UBE2O: variants seen among roughly 807,000 people sequenced by gnomAD.
The protein encoded by UBE2O is (E3-independent) E2 ubiquitin-conjugating enzyme.
In UBE2O, 15 loss-of-function variants were observed where a neutral mutation model predicts 125.8. The ratio of observed to expected loss-of-function variants is 0.12; its 90% confidence interval spans 0.08 to 0.18. The LOEUF (loss-of-function observed/expected upper bound fraction) is 0.18, where lower values mean the gene tolerates loss of function less well. Among genes scored for constraint, UBE2O ranks in the 10% least tolerant of loss-of-function variants. The probability of loss-of-function intolerance (pLI) is 1.00; values close to 1 mark genes in which losing one functional copy is unlikely to be tolerated. For missense variants in UBE2O, 1,280 were observed against 1,723.6 expected (o/e 0.74, Z 4.56); for synonymous variants, 708 against 703.2 (o/e 1.01, Z -0.11).
chr17:76,401,082 T>C lies in UBE2O; in HGVS notation c.823A>G (p.Ser275Gly), dbSNP rs753617981. 2.5e-6 allele frequency: 4 copies of C among 1,613,786 alleles called. No individual in the cohort carries two copies. Among genetic ancestry groups the C allele is most frequent in the Non-Finnish European group, 2.5e-6 (3 of 1,180,034 alleles). ...TTGACACCTGACAGCCACTGGACGC[T>C]GGAGAAGATCTTGGCAGGGCCAATG... Reference protein sequence around the residue: ...VLIGPAKIFSSVQWLSGVKPV... With the variant: ...VLIGPAKIFSGVQWLSGVKPV... Residue 275 changes from serine (S) to glycine (G), a missense_variant, in exon 6 of 18, where the codon AGC becomes GGC. Around this residue, in one of 10 missense-constraint regions of UBE2O, gnomAD observed 206 missense variants for 315.7 expected, o/e 0.65. Transcript: ENST00000319380.
In UBE2O at chr17:76,399,335, A is replaced by C; in HGVS notation, c.1628+114T>G. 9.0e-7 allele frequency: 1 copy of C among 1,113,030 alleles called. No individual in the cohort carries two copies. The highest frequency in any genetic ancestry group is 1.3e-6 in the Non-Finnish European group (1 of 769,412). 68.9% of individuals were successfully genotyped at this position (1,113,030 alleles called of 1,614,324 possible). On this transcript the variant is annotated intron_variant, in intron 9 of 17. Transcript: ENST00000319380. This position sits in a 1 kb window ranked among gnomAD's most constrained non-coding sequence, Gnocchi z 6.9. ...TGTCTCGGGTGGGAGCCCCGGAGCC[A>C]CTACAAGGCATGCAGAGGTGTGTGT...
intron 1 of UBE2O, among the ~76,000 whole-genome samples, chr17:76,435,026 C>G (rs985478018): frequency 6.6e-6 from 1 of 151,944 alleles, no homozygotes. Flanking sequence ...TGGATTTAGC[C>G]CAACAGCCTG....
rs760107639 is a variant in UBE2O, at chr17:76,399,598, C to G, written c.1479G>C (p.Ser493=). Residue 493 remains serine, a synonymous_variant, in exon 9 of 18, where the codon TCG becomes TCC. Transcript: ENST00000319380. The surrounding 1 kb of genome is among the most constrained non-coding windows in gnomAD (Gnocchi z 6.9). The part of the protein sequence containing the change: ...EAADDTDDTS[S]VTSSASSTTS... ...TGGTGGAGCTGGCAGAGGAGGTCAC[C>G]GAACTGGTGTCGTCCGTGTCATCAG... 1.9e-6 allele frequency: 3 copies of G among 1,614,038 alleles called. No individual in the cohort carries two copies. The highest frequency in any genetic ancestry group is 1.1e-5 in the South Asian group (1 of 91,088).
chr17:76,401,193 G>A (rs775042631), intron 5 of UBE2O, 39 bp from the exon 6 acceptor site: 10 of 1,607,968 alleles, frequency 6.2e-6, no homozygotes, highest in African/African-American at 4.0e-5. Context: ...CCCGTGAGCG[G>A]TGTCTCCATG....
At chr17:76,419,283 CA>C (rs35062714) in intron 1 of UBE2O, among the ~76,000 whole-genome samples, 17,150 of 63,206 alleles carry the variant, frequency 0.27, 923 homozygotes, top group East Asian at 0.44. Context: ...GACCCTATCT[CA>C]AAAAAAAAAA....
rs1217747942 is a variant in UBE2O at position 76,452,347 on chromosome 17, T to C, written c.417+378A>G. 6.6e-6 allele frequency among the ~76,000 whole-genome samples: 1 copy of C among 152,136 alleles called. No individual in the cohort carries two copies. Among genetic ancestry groups the C allele is most frequent in the Non-Finnish European group, 1.5e-5 (1 of 68,014 alleles). Reference sequence around the variant, plus strand: ...CTTCATTTCTGGATGCACAATGCAGTACCGAGCTCCTTGGGGGTCAGCAAA... The same window carrying C: ...CTTCATTTCTGGATGCACAATGCAGCACCGAGCTCCTTGGGGGTCAGCAAA... On this transcript the variant is annotated intron_variant, in intron 1 of 17. Coordinates refer to ENST00000319380, the MANE Select transcript of UBE2O (RefSeq NM_022066.4). The surrounding 1 kb of genome is among the most constrained non-coding windows in gnomAD (Gnocchi z 4.4).
At chr17:76,438,186 T>C (rs2073027942) in intron 1 of UBE2O, among the ~76,000 whole-genome samples, 1 of 152,044 alleles carries the variant, frequency 6.6e-6, no homozygotes, top group Admixed American at 6.6e-5. Flanking sequence ...TAAAACTTAA[T>C]GGTTTGAGGA....
At chr17:76,421,807 C>G (rs568034054) in intron 1 of UBE2O, among the ~76,000 whole-genome samples, 2 of 152,324 alleles carry the variant, frequency 1.3e-5, no homozygotes, top group East Asian at 3.9e-4. Context: ...CACGTGCTTC[C>G]CATTTCTCCC....
intron 1 of UBE2O, among the ~76,000 whole-genome samples, chr17:76,430,157 G>GTTT (rs1185346221): frequency 6.6e-6 from 1 of 152,076 alleles, no homozygotes; most frequent in Non-Finnish European, 1.5e-5. Flanking sequence ...TCAGTCTTCT[G>GTTT]TTTGCCTTCC....
intron 1 of UBE2O, among the ~76,000 whole-genome samples, chr17:76,446,864 T>C (rs902192949): frequency 3.3e-5 from 5 of 152,236 alleles, no homozygotes; most frequent in Admixed American, 6.5e-5. Flanking sequence ...TCATTCAACA[T>C]TGAGGGGCAG....
chr17:76,405,581 G>T lies in UBE2O; in HGVS notation c.418-9C>A, dbSNP rs1387054379. On this transcript the variant is annotated splice_polypyrimidine_tract_variant and intron_variant, in intron 1 of 17. Transcript: ENST00000319380. This position sits in a 1 kb window ranked among gnomAD's most constrained non-coding sequence, Gnocchi z 6.1. Reference sequence around the variant, plus strand: ...CGGTCCTCTAGTTTCAGCTGTAAAAGAAAATACAGGTGTGAGAGAATGGAC... The same window carrying T: ...CGGTCCTCTAGTTTCAGCTGTAAAATAAAATACAGGTGTGAGAGAATGGAC... The T allele has an allele frequency of 1.3e-6, 2 of 1,585,118 alleles. No homozygotes were observed. Among genetic ancestry groups the T allele is most frequent in the East Asian group, 2.3e-5 (1 of 44,102 alleles).
intron 1 of UBE2O, among the ~76,000 whole-genome samples, chr17:76,412,741 G>C (rs113934814): frequency 0.018 from 2,777 of 152,326 alleles, 88 homozygotes; most frequent in African/African-American, 0.063. Flanking sequence ...CGGGCGCAGT[G>C]GCTCAAGCCT....
At position 76,396,290 on chromosome 17, in the gene UBE2O, G is replaced by A; in HGVS notation, c.2647C>T (p.Pro883Ser). Residue 883 changes from proline (P) to serine (S), a missense_variant, in exon 14 of 18, where the codon CCC becomes TCC. Pro to Ser is a moderately conservative substitution (Grantham distance 74). Coordinates refer to ENST00000319380, the MANE Select transcript of UBE2O (RefSeq NM_022066.4). This position sits in a 1 kb window ranked among gnomAD's most constrained non-coding sequence, Gnocchi z 6.7. ...IVEEEKMEAV[P>S]DVERKEDKPE... Reference sequence around the variant, plus strand: ...TTGTCCTCCTTGCGCTCTACGTCGGGCACTGCTTCCATCTTCTCCTCCTCT... The same window carrying A: ...TTGTCCTCCTTGCGCTCTACGTCGGACACTGCTTCCATCTTCTCCTCCTCT... The A allele has an allele frequency of 6.2e-7, 1 of 1,614,178 alleles. No homozygotes were observed. The highest frequency in any genetic ancestry group is 8.5e-7 in the Non-Finnish European group (1 of 1,180,034).
chr17:76,410,948 T>C lies in UBE2O; in HGVS notation c.418-5376A>G, dbSNP rs995059159. On this transcript the variant is annotated intron_variant, in intron 1 of 17. Transcript: ENST00000319380. The surrounding 1 kb of genome is among the most constrained non-coding windows in gnomAD (Gnocchi z 4.0). ...AATCCAAATTCACTGTATAAAGTGA[T>C]CCAGGAATAGAAAACACAAACTGAG... Among the ~76,000 whole-genome samples, 1 of 147,910 alleles carries C rather than the reference T, an allele frequency of 6.8e-6. No individual in the cohort carries two copies. Among genetic ancestry groups the C allele is most frequent in the Non-Finnish European group, 1.5e-5 (1 of 67,648 alleles).
At position 76,405,957 on chromosome 17, in the gene UBE2O, T is replaced by C. The variant is rs529411177; in HGVS notation, c.418-385A>G. Reference sequence around the variant, plus strand: ...TTTGCTTTGCGTTCAATCTTTTTTCTGCCCTCTGCAAGTGCCTGCCCTAGC... The same window carrying C: ...TTTGCTTTGCGTTCAATCTTTTTTCCGCCCTCTGCAAGTGCCTGCCCTAGC... On this transcript the variant is annotated intron_variant, in intron 1 of 17. Coordinates refer to ENST00000319380, the MANE Select transcript of UBE2O (RefSeq NM_022066.4). The surrounding 1 kb of genome is among the most constrained non-coding windows in gnomAD (Gnocchi z 6.1). Among the ~76,000 whole-genome samples the C allele has an allele frequency of 8.5e-5, 13 of 152,258 alleles. No homozygotes were observed. Among genetic ancestry groups the C allele is most frequent in the Non-Finnish European group, 1.6e-4 (11 of 68,030 alleles).
Position 76,400,234 on chromosome 17 carries a change from G to A in UBE2O, c.1068C>T (p.Val356=). Residue 356 remains valine, a synonymous_variant, in exon 8 of 18, where the codon GTC becomes GTT. Coordinates refer to ENST00000319380, the MANE Select transcript of UBE2O (RefSeq NM_022066.4). This position sits in a 1 kb window ranked among gnomAD's most constrained non-coding sequence, Gnocchi z 4.3. ...TGGCTGGCTCTACCTTGGCTGGGAA[G>A]ACATACAGACAGCGCTCCCCAAGCT... ...QRQLGERCLY[V]FPAKVEPAKI... The A allele has an allele frequency of 1.9e-6, 3 of 1,614,044 alleles. No individual in the cohort carries two copies. Among genetic ancestry groups the A allele is most frequent in the East Asian group, 2.2e-5 (1 of 44,880 alleles).
chr17:76,450,129 G>T lies in UBE2O; in HGVS notation c.417+2596C>A, dbSNP rs1024041316. Among the ~76,000 whole-genome samples the T allele has an allele frequency of 5.9e-5, 9 of 151,898 alleles. 1 individual carries two copies. The highest frequency in any genetic ancestry group is 5.9e-4 in the Admixed American group (9 of 15,272). ...ACTACATTATTTTGTCAATAATTGGGTTCTCAAATCTCATAACTAGATTAG... is the reference window on the plus strand; with the variant it reads ...ACTACATTATTTTGTCAATAATTGGTTTCTCAAATCTCATAACTAGATTAG... On this transcript the variant is annotated intron_variant, in intron 1 of 17. Coordinates refer to ENST00000319380, the MANE Select transcript of UBE2O (RefSeq NM_022066.4).
intron 1 of UBE2O, among the ~76,000 whole-genome samples, chr17:76,420,154 A>G (rs2072685717): frequency 6.6e-6 from 1 of 152,132 alleles, no homozygotes; most frequent in Non-Finnish European, 1.5e-5. Flanking sequence ...CAACAGCCAC[A>G]CTCTGAAAAT....
intron 1 of UBE2O, among the ~76,000 whole-genome samples, chr17:76,433,891 G>A (rs949297724): frequency 6.6e-6 from 1 of 152,136 alleles, no homozygotes; most frequent in Non-Finnish European, 1.5e-5. Context: ...AATTAGCCAG[G>A]CGTGGCGGTG....
Sources: gnomAD v4.1 joint callset for allele counts (sites outside exome capture counted in the v4.1 genomes callset) on GRCh38, gnomAD v4.1.1 for gene constraint, gnomAD v4.1.1 regional missense constraint, Gnocchi (gnomAD v3.1) non-coding constraint, MANE v1.5 for transcripts, NCBI Gene and HGNC (gene_info 2026-07-23, HGNC 2026-07-21) for gene names.